The following HTR4 variants were observed in gnomAD, a reference collection of about 807,000 sequenced individuals.
The protein encoded by HTR4 is 5-hydroxytryptamine receptor 4.
HTR4 carries 16 observed loss-of-function variants against 36.8 expected under a neutral mutation model. That is an observed-to-expected ratio of 0.43 (90% CI 0.29 to 0.66). The LOEUF (loss-of-function observed/expected upper bound fraction) is 0.66, where lower values mean the gene tolerates loss of function less well. HTR4 is among the 30% of genes least tolerant of loss of function. HTR4 has a pLI of 0.13. For missense variants in HTR4, 438 were observed against 490.9 expected (o/e 0.89, Z 1.02); for synonymous variants, 189 against 185.1 (o/e 1.02, Z -0.17).
chr5:148,609,924 T>A (rs1752345035), intron 2 of HTR4, among the ~76,000 whole-genome samples: 1 of 139,742 alleles, frequency 7.2e-6, no homozygotes. Context: ...ACCTTAAATA[T>A]TAATCTTAGA....
At chr5:148,573,373 A>G (rs1261201767) in intron 2 of HTR4, among the ~76,000 whole-genome samples, 1 of 152,058 alleles carries the variant, frequency 6.6e-6, no homozygotes, top group African/African-American at 2.4e-5. Flanking sequence ...CACTCACTGT[A>G]CATGTCTGTG....
intron 4 of HTR4, 92 bp downstream of exon 4, chr5:148,548,576 T>G: frequency 9.7e-7 from 1 of 1,030,062 alleles, no homozygotes; most frequent in Non-Finnish European, 1.5e-6. Flanking sequence ...ATTCATTTCT[T>G]CTAATGAATA....
rs73268380 is a variant in HTR4, at chr5:148,565,501, T to C, written c.27-15239A>G. ...AACTCATAGGAGTGGAGATGGGGTT[T>C]AGAAGGTGGTAAACGAATGTGAGGG... On this transcript the variant is annotated intron_variant, in intron 2 of 6. Transcript: ENST00000377888. 3.5e-3 allele frequency among the ~76,000 whole-genome samples: 539 copies of C among 152,196 alleles called. 3 individuals carry two copies. The highest frequency in any genetic ancestry group is 0.013 in the African/African-American group (522 of 41,530).
chr5:148,467,833 G>A (rs183837378), intron 5 of HTR4, among the ~76,000 whole-genome samples: 8 of 152,106 alleles, frequency 5.3e-5, no homozygotes, highest in Non-Finnish European at 2.9e-5. Context: ...ACTTACATTT[G>A]TATTGCAAAC....
chr5:148,546,492 T>C (rs952263755), intron 4 of HTR4, among the ~76,000 whole-genome samples: 2 of 152,190 alleles, frequency 1.3e-5, no homozygotes, highest in South Asian at 4.1e-4. Flanking sequence ...TGACAACTCA[T>C]ACCTACTCAG....
intron 5 of HTR4, among the ~76,000 whole-genome samples, chr5:148,462,331 G>A (rs1755297646): frequency 6.6e-6 from 1 of 151,674 alleles, no homozygotes; most frequent in Non-Finnish European, 1.5e-5. Flanking sequence ...AATGAAAGAA[G>A]CGACATCACT....
At chr5:148,647,028 T>A (rs1258203705) in intron 1 of HTR4, among the ~76,000 whole-genome samples, 1 of 152,240 alleles carries the variant, frequency 6.6e-6, no homozygotes. Context: ...AAAGACAATA[T>A]GTTTTTAACT....
intron 5 of HTR4, among the ~76,000 whole-genome samples, chr5:148,510,764 C>T (rs1581403170): frequency 6.6e-6 from 1 of 152,194 alleles, no homozygotes; most frequent in East Asian, 1.9e-4. Context: ...GTATTGAGTT[C>T]CCTGATGAAG....
At chr5:148,554,192 C>T (rs1471627242) in intron 2 of HTR4, among the ~76,000 whole-genome samples, 2 of 152,124 alleles carry the variant, frequency 1.3e-5, no homozygotes, top group African/African-American at 4.8e-5. Flanking sequence ...TCTTCTGCCT[C>T]GGGCTTCCAA....
In HTR4 at chr5:148,558,630, C is replaced by T. The variant is rs918313955; in HGVS notation, c.27-8368G>A. On this transcript the variant is annotated intron_variant, in intron 2 of 6. Transcript: ENST00000377888. ...GACACCTTGCTCCAAGTTGTAAAAC[C>T]GTCCCTTGTCGTGAAGATATGAGAA... Among the ~76,000 whole-genome samples the T allele has an allele frequency of 5.3e-5, 8 of 152,062 alleles. No individual in the cohort carries two copies. In the South Asian group the frequency reaches 8.3e-4, roughly 16 times the overall value.
At chr5:148,528,981 G>A (rs941803145) in intron 4 of HTR4, among the ~76,000 whole-genome samples, 12 of 144,534 alleles carry the variant, frequency 8.3e-5, no homozygotes, top group Non-Finnish European at 1.5e-4. Flanking sequence ...CAAAAACCAC[G>A]ATTATTTTGC....
chr5:148,459,157 G>A (rs1249955065), intron 5 of HTR4, among the ~76,000 whole-genome samples: 1 of 152,070 alleles, frequency 6.6e-6, no homozygotes, highest in African/African-American at 2.4e-5. Flanking sequence ...TCCAGGCATG[G>A]GCATGGAGTT....
Position 148,483,062 on chromosome 5 carries a change from C to T in HTR4, c.*141G>A. 6.8e-7 allele frequency: 1 copy of T among 1,480,494 alleles called. No individual in the cohort carries two copies. The highest frequency in any genetic ancestry group is 9.0e-7 in the Non-Finnish European group (1 of 1,110,164). The allele number at this position is 1,480,494 out of a possible 1,614,324, so 91.7% of individuals were successfully genotyped here. Reference sequence around the variant, plus strand: ...CTGCTGGAATCTCAGAGGAAAAGCCCAGCGAGCACCGGGTTCCTGCACTGG... The same window carrying T: ...CTGCTGGAATCTCAGAGGAAAAGCCTAGCGAGCACCGGGTTCCTGCACTGG... On this transcript the variant is annotated 3_prime_UTR_variant, in exon 7 of 7. Coordinates refer to ENST00000377888, the MANE Select transcript of HTR4 (RefSeq NM_000870.7).
intron 4 of HTR4, among the ~76,000 whole-genome samples, chr5:148,546,903 A>T (rs568098507): frequency 2.6e-5 from 4 of 152,352 alleles, no homozygotes; most frequent in African/African-American, 9.6e-5. Flanking sequence ...CATGTACTAA[A>T]GTCAGATTGT....
intron 6 of HTR4, among the ~76,000 whole-genome samples, chr5:148,504,484 A>C (rs940202446): frequency 6.6e-6 from 1 of 152,246 alleles, no homozygotes; most frequent in South Asian, 2.1e-4. Flanking sequence ...TCTGGGACAC[A>C]TTTAAAGCAG....
At chr5:148,602,850 A>G (rs901874193) in intron 2 of HTR4, among the ~76,000 whole-genome samples, 30 of 152,304 alleles carry the variant, frequency 2.0e-4, no homozygotes, top group African/African-American at 7.2e-4. Flanking sequence ...AGTAATAAAC[A>G]TGTAAGCAAC....
intron 6 of HTR4, among the ~76,000 whole-genome samples, chr5:148,508,476 G>A (rs1021440689): frequency 4.6e-5 from 7 of 152,096 alleles, no homozygotes; most frequent in Non-Finnish European, 1.0e-4. Flanking sequence ...TGTGACCTTG[G>A]GGAAAAAAAA....
chr5:148,533,058 A>G (rs1758653801), intron 4 of HTR4, among the ~76,000 whole-genome samples: 1 of 152,196 alleles, frequency 6.6e-6, no homozygotes, highest in Non-Finnish European at 1.5e-5. Flanking sequence ...GCTTTTCTAA[A>G]GAAGCTGAAT....
intron 1 of HTR4, among the ~76,000 whole-genome samples, 179 bp from the exon 2 acceptor site, chr5:148,637,240 G>A (rs926246064): frequency 1.5e-4 from 23 of 152,162 alleles, no homozygotes; most frequent in African/African-American, 5.6e-4. Flanking sequence ...ACAGCCGAGT[G>A]TCACAAAAGG....
Sources: gnomAD v4.1 joint callset for allele counts (sites outside exome capture counted in the v4.1 genomes callset) on GRCh38, gnomAD v4.1.1 for gene constraint, MANE v1.5 for transcripts, NCBI Gene and HGNC (gene_info 2026-07-23, HGNC 2026-07-21) for gene names.